ZNF559: variants seen among roughly 807,000 people sequenced by gnomAD.
ZNF559 encodes zinc finger protein 559.
ZNF559 carries 17 observed loss-of-function variants against 14.2 expected under a neutral mutation model. The observed-to-expected ratio is 1.20, with a 90% CI of 0.82 to 1.80. The LOEUF (loss-of-function observed/expected upper bound fraction) is 1.80. ZNF559 is among the 40% of genes most tolerant of loss of function. The pLI, the probability that ZNF559 is intolerant of heterozygous loss-of-function variation, is 0.00. For synonymous variants in ZNF559, 244 were observed against 212.4 expected, an observed-to-expected ratio of 1.15 and a Z score of -1.29; for missense variants, 740 against 629.7, an observed-to-expected ratio of 1.18 and a Z score of -1.88.
chr19:9,329,039 G>A (rs2066794351), intron 2 of ZNF559, among the ~76,000 whole-genome samples: 1 of 152,038 alleles, frequency 6.6e-6, no homozygotes, highest in Non-Finnish European at 1.5e-5. Context: ...GAACTGCTTT[G>A]TTCTTTTTGT....
Position 9,343,848 on chromosome 19 carries a change from T to C in ZNF559, c.*780T>C. Reference sequence around the variant, plus strand: ...TAAAAATATCTAGCTGGTCTGAAGATCCTGAGTTATCTCAATTGTTCACGG... The same window carrying C: ...TAAAAATATCTAGCTGGTCTGAAGACCCTGAGTTATCTCAATTGTTCACGG... On this transcript the variant is annotated 3_prime_UTR_variant, in exon 7 of 7. Transcript: ENST00000603380. 1.0e-6 allele frequency: 1 copy of C among 964,590 alleles called. No homozygotes were observed. The highest frequency in any genetic ancestry group is 1.2e-6 in the Non-Finnish European group (1 of 811,024). 59.8% of individuals were successfully genotyped at this position (964,590 alleles called of 1,614,324 possible).
intron 4 of ZNF559, 133 bp downstream of exon 4, chr19:9,338,715 T>A (rs2067375461): frequency 1.5e-6 from 1 of 656,142 alleles, no homozygotes; most frequent in Non-Finnish European, 2.7e-6. Context: ...ATCAAACTTC[T>A]TCGGACCACA....
chr19:9,329,181 G>A (rs750862109), intron 2 of ZNF559, among the ~76,000 whole-genome samples: 25 of 151,956 alleles, frequency 1.6e-4, no homozygotes, highest in Non-Finnish European at 3.2e-4. Flanking sequence ...TTTCATAAAT[G>A]GAATGACCTT....
intron 5 of ZNF559, among the ~76,000 whole-genome samples, chr19:9,340,591 A>AG (rs1491272269): frequency 2.6e-4 from 9 of 35,148 alleles, no homozygotes; most frequent in Non-Finnish European, 5.8e-4. Flanking sequence ...AAAAAAAAAA[A>AG]GAGTCTTGCT....
rs192857534 is a variant in ZNF559, at chr19:9,331,681, A to G, written c.-119-6115A>G. On this transcript the variant is annotated intron_variant, in intron 2 of 6. Transcript: ENST00000603380. ...AATTGTTCTTACTGGTATAAATGCAACTGTTCTCAGTTTGTGCTCCTCTAG... is the reference window on the plus strand; with the variant it reads ...AATTGTTCTTACTGGTATAAATGCAGCTGTTCTCAGTTTGTGCTCCTCTAG... Among the ~76,000 whole-genome samples the G allele has an allele frequency of 1.2e-4, 18 of 152,294 alleles. No individual in the cohort carries two copies. In the South Asian group the frequency reaches 1.9e-3, roughly 16 times the overall value.
rs569063650 is a variant in ZNF559 at position 9,325,006 on chromosome 19, G to A, written c.-120+226G>A. On this transcript the variant is annotated intron_variant, in intron 2 of 6. Coordinates refer to ENST00000603380, the MANE Select transcript of ZNF559 (RefSeq NM_032497.3). ...GCCATCACCTAGATCTCACTCTAGC[G>A]CCCTGTAGATTCCCCCAGAGGTTCA... is the stretch of plus-strand genomic sequence containing the variant. 1.9e-4 allele frequency among the ~76,000 whole-genome samples: 29 copies of A among 152,134 alleles called. 1 individual carries two copies. Among genetic ancestry groups the A allele is most frequent in the African/African-American group, 7.0e-4 (29 of 41,404 alleles).
At position 9,342,990 on chromosome 19, in the gene ZNF559, A is replaced by T; in HGVS notation, c.1539A>T (p.Arg513Ser). 6.2e-7 allele frequency: 1 copy of T among 1,614,192 alleles called. No homozygotes were observed. Among genetic ancestry groups the T allele is most frequent in the Non-Finnish European group, 8.5e-7 (1 of 1,180,020 alleles). ...CCACATATCTTATTCGACATCTAAGAAGTCATAGTGTGGAGAAACCATATA... is the reference window on the plus strand; with the variant it reads ...CCACATATCTTATTCGACATCTAAGTAGTCATAGTGTGGAGAAACCATATA... Reference protein sequence around the residue: ...TRSTYLIRHLRSHSVEKPYKE... With the variant: ...TRSTYLIRHLSSHSVEKPYKE... Residue 513 changes from arginine (R) to serine (S), a missense_variant, in exon 7 of 7, where the codon AGA becomes AGT. Arg to Ser is a moderately radical substitution (Grantham distance 110). Coordinates refer to ENST00000603380, the MANE Select transcript of ZNF559 (RefSeq NM_032497.3).
At chr19:9,324,021 C>T (rs2066426950), upstream of ZNF559, 1 of 794,778 alleles carries the variant, frequency 1.3e-6, no homozygotes, top group Non-Finnish European at 2.0e-6. Context: ...GTCAAGACCC[C>T]CTACCGGTGA....
upstream of ZNF559, chr19:9,324,036 T>TGA: frequency 1.1e-6 from 1 of 940,374 alleles, no homozygotes; most frequent in South Asian, 1.6e-5. Context: ...CGGTGACACT[T>TGA]GCGCTCTTCG....
chr19:9,327,868 C>T (rs138099559), intron 2 of ZNF559, among the ~76,000 whole-genome samples: 1 of 152,258 alleles, frequency 6.6e-6, no homozygotes, highest in African/African-American at 2.4e-5. Flanking sequence ...TCTTGTGACA[C>T]AACTCTACTA....
intron 2 of ZNF559, among the ~76,000 whole-genome samples, chr19:9,328,173 T>C (rs187441376): frequency 1.3e-5 from 2 of 152,246 alleles, no homozygotes; most frequent in African/African-American, 4.8e-5. Flanking sequence ...ATATTATTTG[T>C]TGTAGCAACA....
rs2067669739 is a variant in ZNF559 at position 9,343,648 on chromosome 19, G to GT, written c.*582dup. 1.0e-6 allele frequency: 1 copy of GT among 988,066 alleles called. No individual in the cohort carries two copies. Among genetic ancestry groups the GT allele is most frequent in the Non-Finnish European group, 1.2e-6 (1 of 831,682 alleles). The allele number at this position is 988,066 out of a possible 1,614,324, so 61.2% of individuals were successfully genotyped here. A position where few individuals can be genotyped will look rare whatever the true frequency, so the allele number is the denominator to read the frequency against. ...GAGAAGTCCCATGAGTGAAAGAGAT[G>GT]TTGGAAAGCCCTTGAACTTGGTCGT... is the stretch of plus-strand genomic sequence containing the variant. On this transcript the variant is annotated 3_prime_UTR_variant, in exon 7 of 7. Coordinates refer to ENST00000603380, the MANE Select transcript of ZNF559 (RefSeq NM_032497.3).
rs2122350641 is a variant in ZNF559 at position 9,345,737 on chromosome 19, T to G, written c.*2669T>G. 1 of 151,682 alleles carries G rather than the reference T, an allele frequency of 6.6e-6. No homozygotes were observed. Among genetic ancestry groups the G allele is most frequent in the East Asian group, 1.9e-4 (1 of 5,188 alleles). 9.4% of individuals were successfully genotyped at this position (151,682 alleles called of 1,614,324 possible). A position where few individuals can be genotyped will look rare whatever the true frequency, so the allele number is the denominator to read the frequency against. On this transcript the variant is annotated 3_prime_UTR_variant, in exon 7 of 7. Coordinates refer to ENST00000603380, the MANE Select transcript of ZNF559 (RefSeq NM_032497.3). ...GCACGATCATGTGGTTTTGCAATAT[T>G]TATTGAATTTTGAGAGTTTAAAATT...
At chr19:9,325,374 C>T (rs927671757) in intron 2 of ZNF559, among the ~76,000 whole-genome samples, 4 of 151,454 alleles carry the variant, frequency 2.6e-5, no homozygotes, top group African/African-American at 4.9e-5. Flanking sequence ...CATGGGAGGT[C>T]GAGGCTGCTG....
Position 9,343,170 on chromosome 19 carries a change from T to C in ZNF559, c.*102T>C. The stretch of plus-strand genomic sequence containing the variant: ...TGGCAATGTACACAGTCATAAGGAA[T>C]GTGGGAAGCCTTCCTTGGTGTCTCA... On this transcript the variant is annotated 3_prime_UTR_variant, in exon 7 of 7. Coordinates refer to ENST00000603380, the MANE Select transcript of ZNF559 (RefSeq NM_032497.3). 1 of 1,504,668 alleles carries C rather than the reference T, an allele frequency of 6.6e-7. No homozygotes were observed. The highest frequency in any genetic ancestry group is 8.8e-7 in the Non-Finnish European group (1 of 1,135,672). The allele number at this position is 1,504,668 out of a possible 1,614,324, so 93.2% of individuals were successfully genotyped here.
Position 9,343,249 on chromosome 19 carries a change from A to G in ZNF559, c.*181A>G. ...ACATATGAATGTAAGGAATGTGGGA[A>G]AATCTTGGCTCCTTCCATAGGCCTT... On this transcript the variant is annotated 3_prime_UTR_variant, in exon 7 of 7. Coordinates refer to ENST00000603380, the MANE Select transcript of ZNF559 (RefSeq NM_032497.3). 1 of 1,416,556 alleles carries G rather than the reference A, an allele frequency of 7.1e-7. No individual in the cohort carries two copies. The highest frequency in any genetic ancestry group is 2.9e-5 in the Admixed American group (1 of 34,026). The allele number at this position is 1,416,556 out of a possible 1,614,324, so 87.7% of individuals were successfully genotyped here. A position where few individuals can be genotyped will look rare whatever the true frequency, so the allele number is the denominator to read the frequency against.
chr19:9,341,703 C>G lies in ZNF559; in HGVS notation c.252C>G (p.Asn84Lys). 6.3e-7 allele frequency: 1 copy of G among 1,597,484 alleles called. No individual in the cohort carries two copies. The change falls in exon 7 of 7, where the codon AAC becomes AAG. Residue 84 changes from asparagine (N) to lysine (K), a missense_variant. Transcript: ENST00000603380. ...TTAATTTTCACCAACAGGAGAGAAACCATTTTGGAGAGGAACTGTTTGACT... is the reference window on the plus strand; with the variant it reads ...TTAATTTTCACCAACAGGAGAGAAAGCATTTTGGAGAGGAACTGTTTGACT... ...KTSSVVEMER[N>K]HFGEELFDFN...
At chr19:9,341,316 C>G (rs756096701) in intron 6 of ZNF559, 132 bp downstream of exon 6, 2 of 871,500 alleles carry the variant, frequency 2.3e-6, no homozygotes, top group Non-Finnish European at 3.8e-6. Context: ...TAATCTGTCT[C>G]TTGGAGAGAC....
Position 9,324,788 on chromosome 19 carries a change from C to T in ZNF559, c.-120+8C>T, listed in dbSNP as rs754060576. 4.4e-5 allele frequency: 68 copies of T among 1,535,526 alleles called. No individual in the cohort carries two copies. Among genetic ancestry groups the T allele is most frequent in the South Asian group, 2.4e-5 (2 of 84,018 alleles). On this transcript the variant is annotated splice_region_variant and intron_variant, in intron 2 of 6. Coordinates refer to ENST00000603380, the MANE Select transcript of ZNF559 (RefSeq NM_032497.3). Reference sequence around the variant, plus strand: ...CAATTCTGTCGTGTCCCGGTGAGCACTTCATGCACTTGTTCTGGCTGTGGG... The same window carrying T: ...CAATTCTGTCGTGTCCCGGTGAGCATTTCATGCACTTGTTCTGGCTGTGGG...
Sources: allele counts gnomAD v4.1 joint callset (sites outside exome capture counted in the v4.1 genomes callset), GRCh38; gene constraint gnomAD v4.1.1; transcripts MANE v1.5; gene names NCBI Gene and HGNC (gene_info 2026-07-23, HGNC 2026-07-21).